The following ASIC2 variants were observed in gnomAD, a reference collection of about 807,000 sequenced individuals.
ASIC2 encodes the protein acid sensing ion channel subunit 2.
A neutral mutation model predicts 57.3 loss-of-function variants in ASIC2; 25 were observed. The ratio of observed to expected loss-of-function variants is 0.44; its 90% CI spans 0.32 to 0.61. The LOEUF (loss-of-function observed/expected upper bound fraction) is 0.61, where lower values mean the gene tolerates loss of function less well. Ranked by LOEUF, ASIC2 falls within the 20% of genes least tolerant of loss-of-function variation. The probability of loss-of-function intolerance (pLI) is 0.06; values close to 1 mark genes in which losing one functional copy is unlikely to be tolerated. For missense variants in ASIC2, 641 were observed against 738.1 expected (o/e 0.87, Z 1.52); for synonymous variants, 319 against 307.5 (o/e 1.04, Z -0.39).
intron 5 of ASIC2, 91 bp downstream of exon 5, chr17:33,025,835 C>T (rs1205772919): frequency 3.3e-5 from 42 of 1,290,016 alleles, no homozygotes; most frequent in Non-Finnish European, 4.3e-5. Flanking sequence ...TTCCTTCTTC[C>T]ACTTGATCTT....
At chr17:33,174,418 CAAAA>C (rs545016244) in intron 1 of ASIC2, among the ~76,000 whole-genome samples, 6 of 122,036 alleles carry the variant, frequency 4.9e-5, no homozygotes, top group Non-Finnish European at 8.5e-5. Context: ...AAGACTCCAT[CAAAA>C]AAAAAAAAAA....
upstream of ASIC2, among the ~76,000 whole-genome samples, chr17:33,295,161 T>A (rs1433861374): frequency 6.6e-6 from 1 of 151,370 alleles, no homozygotes; most frequent in African/African-American, 2.4e-5. Flanking sequence ...CTTTCCTAGC[T>A]ATTTCCCCCT....
chr17:33,021,183 G>A, intron 7 of ASIC2, 36 bp downstream of exon 7: 2 of 517,914 alleles, frequency 3.9e-6, no homozygotes, highest in Non-Finnish European at 3.8e-6. Context: ...CACCCTCTAT[G>A]AGATGTGGAA....
At chr17:33,428,118 C>A (rs4795785) in intron 1 of ASIC2, among the ~76,000 whole-genome samples, 58,223 of 152,008 alleles carry the variant, frequency 0.38, 11,576 homozygotes, top group Non-Finnish European at 0.42. Flanking sequence ...GCCTAAACTA[C>A]CTAGCTACAC....
At chr17:33,811,673 C>T (rs1047740761) in intron 1 of ASIC2, among the ~76,000 whole-genome samples, 1 of 152,184 alleles carries the variant, frequency 6.6e-6, no homozygotes, top group Non-Finnish European at 1.5e-5. Context: ...GCTTTAGAAC[C>T]TGAGACATAG....
intron 1 of ASIC2, among the ~76,000 whole-genome samples, chr17:33,364,081 G>C (rs1908714256): frequency 6.6e-6 from 1 of 152,186 alleles, no homozygotes; most frequent in Non-Finnish European, 1.5e-5. Flanking sequence ...GGGAGGTACA[G>C]TGACGTGTTC....
intron 1 of ASIC2, among the ~76,000 whole-genome samples, chr17:33,892,713 G>C (rs565371728): frequency 2.1e-4 from 32 of 152,156 alleles, no homozygotes; most frequent in Non-Finnish European, 4.1e-4. Flanking sequence ...AAATCACATA[G>C]TTTTATTTCT....
intron 1 of ASIC2, among the ~76,000 whole-genome samples, chr17:33,913,900 G>A (rs1394346356): frequency 4.6e-5 from 7 of 152,204 alleles, no homozygotes; most frequent in Non-Finnish European, 8.8e-5. Flanking sequence ...TTTCCCAACA[G>A]TGCTGTGAGA....
At chr17:33,356,243 C>T (rs1468290908) in intron 1 of ASIC2, among the ~76,000 whole-genome samples, 2 of 152,086 alleles carry the variant, frequency 1.3e-5, no homozygotes, top group Non-Finnish European at 2.9e-5. Context: ...TTAATTAATT[C>T]TTTTCTATTA....
chr17:33,058,861 A>G (rs1048534021), intron 3 of ASIC2, among the ~76,000 whole-genome samples: 3 of 152,238 alleles, frequency 2.0e-5, no homozygotes, highest in Non-Finnish European at 4.4e-5. Flanking sequence ...ATTATTTATA[A>G]TAGCAAAAAC....
At chr17:34,104,832 T>C (rs549489144) in intron 1 of ASIC2, among the ~76,000 whole-genome samples, 1 of 152,234 alleles carries the variant, frequency 6.6e-6, no homozygotes, top group East Asian at 1.9e-4. Flanking sequence ...TATAATATTC[T>C]TTTTATATAT....
At chr17:33,657,291 A>G (rs1295557588) in intron 1 of ASIC2, among the ~76,000 whole-genome samples, 1 of 152,152 alleles carries the variant, frequency 6.6e-6, no homozygotes, top group Non-Finnish European at 1.5e-5. Context: ...CGCTGCAGTT[A>G]CTGCATCTTT....
intron 2 of ASIC2, among the ~76,000 whole-genome samples, chr17:33,091,225 A>G (rs2092156303): frequency 6.6e-6 from 1 of 152,196 alleles, no homozygotes. Flanking sequence ...AGGGGGTTGA[A>G]TAGTCATCTT....
chr17:34,099,284 AAAGG>A (rs148305370), intron 1 of ASIC2, among the ~76,000 whole-genome samples: 1 of 138,868 alleles, frequency 7.2e-6, no homozygotes, highest in Non-Finnish European at 1.5e-5. Context: ...GAAAGAAAAG[AAAGG>A]AAGGAAGAAA....
At chr17:33,565,519 G>A (rs1200855059) in intron 1 of ASIC2, among the ~76,000 whole-genome samples, 1 of 152,150 alleles carries the variant, frequency 6.6e-6, no homozygotes. Context: ...TAGAGGTAAA[G>A]TGGACACTTC....
chr17:33,084,068 TC>T (rs1230559385), intron 3 of ASIC2, among the ~76,000 whole-genome samples: 6 of 152,082 alleles, frequency 3.9e-5, no homozygotes, highest in African/African-American at 1.4e-4. Context: ...CTTATAAGCA[TC>T]CCATGCCAGC....
intron 7 of ASIC2, among the ~76,000 whole-genome samples, chr17:33,018,425 G>A (rs1012627507): frequency 7.9e-5 from 12 of 152,194 alleles, no homozygotes; most frequent in Non-Finnish European, 1.2e-4. Context: ...GTGCATTCTC[G>A]GGCCCACCAG....
intron 1 of ASIC2, among the ~76,000 whole-genome samples, chr17:33,962,973 C>G (rs570015976): frequency 6.6e-6 from 1 of 152,154 alleles, no homozygotes; most frequent in African/African-American, 2.4e-5. Context: ...CACATCTCTA[C>G]TTGGGGTGTC....
intron 6 of ASIC2, among the ~76,000 whole-genome samples, chr17:33,022,739 C>T (rs957048414): frequency 6.6e-6 from 1 of 152,014 alleles, no homozygotes. Context: ...CAACAGAGAA[C>T]AAAAAAGATA....
Sources: gnomAD v4.1 joint callset for allele counts (sites outside exome capture counted in the v4.1 genomes callset) on GRCh38, gnomAD v4.1.1 for gene constraint, MANE v1.5 for transcripts, NCBI Gene and HGNC (gene_info 2026-07-23, HGNC 2026-07-21) for gene names.